CACNA2D4: variants seen among roughly 807,000 people sequenced by gnomAD.
CACNA2D4 encodes voltage-dependent calcium channel subunit alpha-2/delta-4.
Under a neutral mutation model 163.8 loss-of-function variants are expected in CACNA2D4, and 157 were observed. The observed-to-expected ratio is 0.96, with a 90% CI of 0.84 to 1.09. CACNA2D4 has a LOEUF of 1.09. Among genes scored for constraint, CACNA2D4 ranks in the 50% least tolerant of loss-of-function variants. The probability of loss-of-function intolerance (pLI) is 0.00; values close to 1 mark genes in which losing one functional copy is unlikely to be tolerated. For missense variants in CACNA2D4, 1,410 were observed against 1,479.9 expected (o/e 0.95, Z 0.78); for synonymous variants, 598 against 586.9 (o/e 1.02, Z -0.27).
intron 29 of CACNA2D4, among the ~76,000 whole-genome samples, chr12:1,808,154 C>T (rs934920932): frequency 3.9e-5 from 6 of 152,026 alleles, no homozygotes; most frequent in African/African-American, 1.2e-4. Context: ...CCTCGAGGGA[C>T]CCTGGAGGGA....
At chr12:1,793,813 AAGGG>A in intron 37 of CACNA2D4, 54 bp from the exon 38 acceptor site, 2 of 1,455,336 alleles carry the variant, frequency 1.4e-6, no homozygotes, top group Non-Finnish European at 1.9e-6. Context: ...GACCCTCAAA[AAGGG>A]AGGGGCTTCC....
intron 6 of CACNA2D4, among the ~76,000 whole-genome samples, chr12:1,890,090 C>G (rs947516416): frequency 2.6e-5 from 4 of 152,158 alleles, no homozygotes; most frequent in Admixed American, 2.0e-4. Flanking sequence ...TGAGAGACCC[C>G]CAGCAGTCCA....
chr12:1,795,477 T>G, intron 36 of CACNA2D4, 96 bp from the exon 37 acceptor site: 1 of 1,234,294 alleles, frequency 8.1e-7, no homozygotes, highest in Admixed American at 2.0e-5. Flanking sequence ...TGCCACCAGT[T>G]GCCCTGCAAG....
chr12:1,912,993 A>C (rs1866870058), intron 3 of CACNA2D4, 30 bp downstream of exon 3: 6 of 1,445,328 alleles, frequency 4.2e-6, no homozygotes, highest in Non-Finnish European at 5.8e-6. Flanking sequence ...GCTGGGGAGA[A>C]ACGCCCTGCA....
chr12:1,800,615 G>T (rs1863283689), intron 31 of CACNA2D4, 177 bp from the exon 32 acceptor site: 1 of 633,496 alleles, frequency 1.6e-6, no homozygotes, highest in African/African-American at 1.8e-5. Flanking sequence ...CCTCCCACCT[G>T]CCCTGCAGAG....
Position 1,800,498 on chromosome 12 carries a change from C to CCA in CACNA2D4, c.2869-61_2869-60insTG, listed in dbSNP as rs1555174215. The CCA allele has an allele frequency of 3.3e-5, 51 of 1,537,956 alleles. No homozygotes were observed. The East Asian group carries it at 1.0e-3, about 31-fold the overall frequency. On this transcript the variant is annotated intron_variant, in intron 31 of 37. Coordinates refer to ENST00000382722, the MANE Select transcript of CACNA2D4 (RefSeq NM_172364.5). ...GGTCCAAGGGTGAGGGTGCCCCCCC[C>CCA]CCACCACCAGCACCACCCTCAGAGA...
chr12:1,841,906 T>C (rs1424371894), intron 25 of CACNA2D4, among the ~76,000 whole-genome samples: 1 of 152,146 alleles, frequency 6.6e-6, no homozygotes, highest in African/African-American at 2.4e-5. Flanking sequence ...ATATGTAAGG[T>C]TGTCCTTGAT....
Position 1,829,716 on chromosome 12 carries a change from A to T in CACNA2D4, c.2551+11023T>A, listed in dbSNP as rs532721468. On this transcript the variant is annotated intron_variant, in intron 26 of 37. Coordinates refer to ENST00000382722, the MANE Select transcript of CACNA2D4 (RefSeq NM_172364.5). This position sits in a 1 kb window ranked among gnomAD's most constrained non-coding sequence, Gnocchi z 4.2. The stretch of plus-strand genomic sequence containing the variant: ...CGGCCCACCCCGACCTGGGACAGCC[A>T]GGTCCCAGGTCCCATGTCAGGGTGG... 7.0e-6 allele frequency among the ~76,000 whole-genome samples: 1 copy of T among 143,770 alleles called. No homozygotes were observed. The highest frequency in any genetic ancestry group is 6.9e-5 in the Admixed American group (1 of 14,480). The allele number at this position is 143,770 out of a possible 152,430, so 94.3% of individuals were successfully genotyped here. A position where few individuals can be genotyped will look rare whatever the true frequency, so the allele number is the denominator to read the frequency against.
chr12:1,844,311 C>A lies in CACNA2D4; in HGVS notation c.2470+91G>T. ...GGTCTGGACATTCTATTCCATATCT[C>A]GTTCCCATTTCCCACTAAGAGCACA... On this transcript the variant is annotated intron_variant, in intron 25 of 37. Coordinates refer to ENST00000382722, the MANE Select transcript of CACNA2D4 (RefSeq NM_172364.5). This position sits in a 1 kb window ranked among gnomAD's most constrained non-coding sequence, Gnocchi z 4.2. The A allele has an allele frequency of 6.9e-7, 1 of 1,444,848 alleles. No individual in the cohort carries two copies. The highest frequency in any genetic ancestry group is 1.9e-5 in the Admixed American group (1 of 51,408). The allele number at this position is 1,444,848 out of a possible 1,614,324, so 89.5% of individuals were successfully genotyped here. A position where few individuals can be genotyped will look rare whatever the true frequency, so the allele number is the denominator to read the frequency against.
Position 1,878,191 on chromosome 12 carries a change from TCTCATATTACCCACTGGGTTC to T in CACNA2D4, c.1719+103_1719+123del. 9.3e-7 allele frequency: 1 copy of T among 1,071,864 alleles called. No individual in the cohort carries two copies. The highest frequency in any genetic ancestry group is 1.4e-6 in the Non-Finnish European group (1 of 717,186). The allele number at this position is 1,071,864 out of a possible 1,614,324, so 66.4% of individuals were successfully genotyped here. A position where few individuals can be genotyped will look rare whatever the true frequency, so the allele number is the denominator to read the frequency against. ...GACCATGACTCGAATACATTTTTTT[TCTCATATTACCCACTGGGTTC>T]CTAAATGGAGCCCAATGTGTGTTTG... On this transcript the variant is annotated intron_variant, in intron 16 of 37. Transcript: ENST00000382722. This position sits in a 1 kb window ranked among gnomAD's most constrained non-coding sequence, Gnocchi z 4.6.
intron 18 of CACNA2D4, among the ~76,000 whole-genome samples, chr12:1,863,636 C>G (rs1231491251): frequency 6.6e-6 from 1 of 152,064 alleles, no homozygotes; most frequent in South Asian, 2.1e-4. Context: ...GTCATATATA[C>G]GTTTGTTAAA....
rs369000289 is a variant in CACNA2D4, at chr12:1,840,758, C to T, written c.2532G>A (p.Lys844=). ...TCCTACCTGCAGCAATGGCTGTCCTCTTGTCCACGGTCACCGCCACAGCTG... is the reference window on the plus strand; with the variant it reads ...TCCTACCTGCAGCAATGGCTGTCCTTTTGTCCACGGTCACCGCCACAGCTG... ...ASTAVAVTVD[K]RTAIAAAAGV... is the part of the protein sequence containing the mutation. The change falls in exon 26 of 38, where the codon AAG becomes AAA. Residue 844 remains lysine, a synonymous_variant. Coordinates refer to ENST00000382722, the MANE Select transcript of CACNA2D4 (RefSeq NM_172364.5). 6.2e-7 allele frequency: 1 copy of T among 1,613,928 alleles called. No homozygotes were observed. The highest frequency in any genetic ancestry group is 8.5e-7 in the Non-Finnish European group (1 of 1,179,872).
intron 6 of CACNA2D4, among the ~76,000 whole-genome samples, chr12:1,901,385 C>G (rs1203632607): frequency 6.7e-6 from 1 of 150,366 alleles, no homozygotes; most frequent in Admixed American, 6.6e-5. Flanking sequence ...TAAAAAAACC[C>G]AAAGATCAAT....
chr12:1,833,790 G>C lies in CACNA2D4; in HGVS notation c.2551+6949C>G, dbSNP rs1004116341. Reference sequence around the variant, plus strand: ...CTTTGAGTGAGAGGTAAGAACCCTAGAAGGATAAGATGCTGTGTTGAGAAC... The same window carrying C: ...CTTTGAGTGAGAGGTAAGAACCCTACAAGGATAAGATGCTGTGTTGAGAAC... On this transcript the variant is annotated intron_variant, in intron 26 of 37. Coordinates refer to ENST00000382722, the MANE Select transcript of CACNA2D4 (RefSeq NM_172364.5). This position sits in a 1 kb window ranked among gnomAD's most constrained non-coding sequence, Gnocchi z 4.2. 1.3e-5 allele frequency among the ~76,000 whole-genome samples: 2 copies of C among 152,206 alleles called. No homozygotes were observed. Among genetic ancestry groups the C allele is most frequent in the Non-Finnish European group, 2.9e-5 (2 of 68,038 alleles).
chr12:1,904,378 T>C (rs1330930787), intron 6 of CACNA2D4, among the ~76,000 whole-genome samples: 2 of 138,728 alleles, frequency 1.4e-5, no homozygotes, highest in Admixed American at 1.5e-4. Context: ...TATAATTGGA[T>C]TGTTTGTAAC....
chr12:1,809,698 G>T (rs184746980), intron 29 of CACNA2D4: 12 of 620,250 alleles, frequency 1.9e-5, no homozygotes, highest in Non-Finnish European at 3.2e-5. Flanking sequence ...GGGGGCGGGG[G>T]GAGGATTAGG....
rs910148718 is a variant in CACNA2D4 at position 1,804,180 on chromosome 12, C to T, written c.2722-2536G>A. On this transcript the variant is annotated intron_variant, in intron 29 of 37. Transcript: ENST00000382722. Reference sequence around the variant, plus strand: ...GTGTGTGTGTCCCCTCCGTCACCCCCTCACCTGACAGCAGGATTCTAGGGG... The same window carrying T: ...GTGTGTGTGTCCCCTCCGTCACCCCTTCACCTGACAGCAGGATTCTAGGGG... Among the ~76,000 whole-genome samples, 4 of 151,708 alleles carry T rather than the reference C, an allele frequency of 2.6e-5. No individual in the cohort carries two copies. The East Asian group carries it at 7.8e-4, about 29-fold the overall frequency.
At chr12:1,871,643 GGT>G (rs1261565276) in intron 18 of CACNA2D4, among the ~76,000 whole-genome samples, 2 of 148,656 alleles carry the variant, frequency 1.3e-5, no homozygotes, top group African/African-American at 5.0e-5. Context: ...GCGTGTTACT[GGT>G]GTGTGTACAC....
At chr12:1,908,155 G>A in intron 4 of CACNA2D4, 118 bp from the exon 5 acceptor site, 1 of 1,004,710 alleles carries the variant, frequency 1.0e-6, no homozygotes. Context: ...GGCCATCAGA[G>A]TCTACACAAG....
Sources: gnomAD v4.1 joint callset for allele counts (sites outside exome capture counted in the v4.1 genomes callset) on GRCh38, gnomAD v4.1.1 for gene constraint, Gnocchi (gnomAD v3.1) non-coding constraint, MANE v1.5 for transcripts, NCBI Gene and HGNC (gene_info 2026-07-23, HGNC 2026-07-21) for gene names.